Variants in TTN observed in about 807,000 individuals in gnomAD.
TTN encodes connectin.
Under a neutral mutation model 3,223.0 loss-of-function variants are expected in TTN, and 1,525 were observed. The observed-to-expected ratio is 0.47, with a 90% confidence interval of 0.45 to 0.49. TTN has a LOEUF of 0.49. TTN is among the 20% of genes least tolerant of loss of function. The pLI, the probability that TTN is intolerant of heterozygous loss-of-function variation, is 0.00. For synonymous variants in TTN, 14,094 were observed against 15,161.0 expected, an observed-to-expected ratio of 0.93 and a Z score of 5.17; for missense variants, 40,786 against 43,424.0, an observed-to-expected ratio of 0.94 and a Z score of 5.40.
chr2:178,688,360 A>T, intron 126 of TTN, 136 bp from the exon 127 acceptor site: 2 of 786,048 alleles, frequency 2.5e-6, no homozygotes, highest in Non-Finnish European at 4.1e-6. Context: ...TCACTATAAG[A>T]AGGAGGAAGC....
At chr2:178,765,095 G>C (rs543595472) in intron 41 of TTN, among the ~76,000 whole-genome samples, 25 of 152,298 alleles carry the variant, frequency 1.6e-4, no homozygotes, top group African/African-American at 5.1e-4. Flanking sequence ...CCCAGTTTCT[G>C]TTTGTGGTGG....
At chr2:178,606,920 G>T (rs2055024364) in intron 278 of TTN, 101 bp downstream of exon 278, 3 of 1,329,892 alleles carry the variant, frequency 2.3e-6, no homozygotes, top group South Asian at 2.9e-5. Flanking sequence ...TTTAGCTATA[G>T]ATTTTGAGAC....
chr2:178,776,113 A>C lies in TTN; in HGVS notation c.5751T>G (p.Pro1917=). The change falls in exon 28 of 363, where the codon CCT becomes CCG. Residue 1917 remains proline (P), a synonymous_variant. Transcript: ENST00000589042. ...TGEVKVTAEN[P]EGVIEHKVKL... ...TCACTTTATGCTCTATCACACCTTC[A>C]GGATTTTCCGCGGTGACCTTCACTT... 1 of 1,614,114 alleles carries C rather than the reference A, an allele frequency of 6.2e-7. No homozygotes were observed. The highest frequency in any genetic ancestry group is 8.5e-7 in the Non-Finnish European group (1 of 1,179,992).
Position 178,611,456 on chromosome 2 carries a change from C to G in TTN, c.50773G>C (p.Val16925Leu), listed in dbSNP as rs752224973. 1.4e-5 allele frequency: 22 copies of G among 1,612,832 alleles called. No homozygotes were observed. The highest frequency in any genetic ancestry group is 1.9e-5 in the Non-Finnish European group (22 of 1,179,324). The change falls in exon 269 of 363, where the codon GTC (valine) becomes CTC (leucine). Residue 16925 changes from valine to leucine, a missense_variant. By Grantham distance (32) the Val-to-Leu change is conservative. Transcript: ENST00000589042. ...EEGVVPDKEY[V>L]LRVRAVNAIG... The stretch of plus-strand genomic sequence containing the variant: ...GCATTGACTGCTCTCACTCTCAGGA[C>G]ATATTCTTTGTCAGGAACAACACCT...
At chr2:178,643,290 A>C (rs1210702706) in intron 218 of TTN, among the ~76,000 whole-genome samples, 1 of 152,030 alleles carries the variant, frequency 6.6e-6, no homozygotes, top group Non-Finnish European at 1.5e-5. Context: ...TGTGATAAAG[A>C]TAACTGCTTA....
In TTN at chr2:178,587,174, T is replaced by C. The variant is rs2154181993; in HGVS notation, c.64037A>G (p.Tyr21346Cys). 1.2e-6 allele frequency: 2 copies of C among 1,613,304 alleles called. No individual in the cohort carries two copies. The highest frequency in any genetic ancestry group is 2.2e-5 in the South Asian group (2 of 91,064). ...GACATCTGTTGGGACGCCAGGGCCA[T>C]ATTCGTTGACAGCAGTTACTCTGAA... ...YYFRVTAVNE[Y>C]GPGVPTDVPK... Residue 21346 changes from tyrosine to cysteine, a missense_variant, in exon 307 of 363, where the codon TAT becomes TGT. By Grantham distance (194) the Tyr-to-Cys change is radical (BLOSUM62 -2). Transcript: ENST00000589042.
At position 178,561,620 on chromosome 2, in the gene TTN, A is replaced by G. The variant is rs1253820219; in HGVS notation, c.84512T>C (p.Met28171Thr). The G allele has an allele frequency of 1.2e-6, 2 of 1,612,542 alleles. No individual in the cohort carries two copies. Among genetic ancestry groups the G allele is most frequent in the African/African-American group, 1.3e-5 (1 of 74,876 alleles). ...AACTGGCACTTGCCAGGTTACAAGC[A>G]TGGTAGATTTTGTGGCATGCACAAC... ...PKVVHATKST[M>T]LVTWQVPVND... Residue 28171 changes from methionine (M) to threonine (T), a missense_variant, in exon 326 of 363, where the codon ATG (methionine) becomes ACG (threonine). By Grantham distance (81) the Met-to-Thr change is moderately conservative. Transcript: ENST00000589042.
At chr2:178,748,745 T>A in intron 47 of TTN, 1 of 1,612,636 alleles carries the variant, frequency 6.2e-7, no homozygotes, top group South Asian at 1.1e-5. Flanking sequence ...ACTTATTTTT[T>A]CCTGTTGTTC....
Position 178,537,480 on chromosome 2 carries a change from T to A in TTN, c.99727A>T (p.Ile33243Phe). 1 of 1,613,638 alleles carries A rather than the reference T, an allele frequency of 6.2e-7. No individual in the cohort carries two copies. The highest frequency in any genetic ancestry group is 8.5e-7 in the Non-Finnish European group (1 of 1,179,708). Reference sequence around the variant, plus strand: ...TAGTGCTCAGTGTTTTCAATAGTAATGTTTTCTGAGTTTTGCAAAAGTTTC... The same window carrying A: ...TAGTGCTCAGTGTTTTCAATAGTAAAGTTTTCTGAGTTTTGCAAAAGTTTC... ...GQKLLQNSEN[I>F]TIENTEHYTH... Residue 33243 changes from isoleucine (I) to phenylalanine (F), a missense_variant, in exon 355 of 363, where the codon ATT becomes TTT. Ile to Phe is a conservative substitution (Grantham distance 21). Coordinates refer to ENST00000589042, the MANE Select transcript of TTN (RefSeq NM_001267550.2).
rs1690860089 is a variant in TTN, at chr2:178,535,132, C to T, written c.101483G>A (p.Gly33828Asp). The stretch of plus-strand genomic sequence containing the variant: ...ACAACGATGGACAATTCCAAACTCA[C>T]CACGCCCAAGATCTTCAGCAATCAT... ...KYMIAEDLGR[G>D]EFGIVHRCVE... Residue 33828 changes from glycine (G) to aspartate (D), a missense_variant, in exon 358 of 363, where the codon GGT becomes GAT. Transcript: ENST00000589042. 1.2e-6 allele frequency: 2 copies of T among 1,613,704 alleles called. No homozygotes were observed. Among genetic ancestry groups the T allele is most frequent in the African/African-American group, 2.7e-5 (2 of 74,906 alleles).
In TTN at chr2:178,531,608, C is replaced by T; in HGVS notation, c.105007G>A (p.Asp35003Asn). Reference sequence around the variant, plus strand: ...GTTCCACTGTCATCAGTATGACAGTCCAGAATTTCCAGGGTGAGGACTCCA... The same window carrying T: ...GTTCCACTGTCATCAGTATGACAGTTCAGAATTTCCAGGGTGAGGACTCCA... Reference protein sequence around the residue: ...TSGVLTLEILDCHTDDSGTYR... With the variant: ...TSGVLTLEILNCHTDDSGTYR... Residue 35003 changes from aspartate (D) to asparagine (N), a missense_variant, in exon 358 of 363, where the codon GAC becomes AAC. Transcript: ENST00000589042. 6.2e-7 allele frequency: 1 copy of T among 1,613,972 alleles called. No individual in the cohort carries two copies. The highest frequency in any genetic ancestry group is 8.5e-7 in the Non-Finnish European group (1 of 1,179,880).
intron 1 of TTN, among the ~76,000 whole-genome samples, chr2:178,806,157 T>C (rs957741909): frequency 6.6e-6 from 1 of 152,222 alleles, no homozygotes; most frequent in Admixed American, 6.5e-5. Context: ...ACAATAAAAT[T>C]TATATTTGGA....
intron 152 of TTN, 33 bp downstream of exon 152, chr2:178,673,600 G>A: frequency 6.7e-7 from 1 of 1,483,948 alleles, no homozygotes; most frequent in East Asian, 2.5e-5. Context: ...TTAATGGGAA[G>A]TTAAAGATAT....
Position 178,551,629 on chromosome 2 carries a change from C to T in TTN, c.91270+1G>A, listed in dbSNP as rs2154150675. 6.4e-7 allele frequency: 1 copy of T among 1,567,142 alleles called. No homozygotes were observed. The highest frequency in any genetic ancestry group is 8.6e-7 in the Non-Finnish European group (1 of 1,157,794). On this transcript the variant is annotated splice_donor_variant, in intron 335 of 362. Transcript: ENST00000589042. LOFTEE classifies it high-confidence loss of function. ...AATGTATTTGAATAATAATCACTTACCTACTGGAGAAACAGCTAAGGTAAA... is the reference window on the plus strand; with the variant it reads ...AATGTATTTGAATAATAATCACTTATCTACTGGAGAAACAGCTAAGGTAAA...
intron 338 of TTN, 39 bp from the exon 339 acceptor site, chr2:178,549,512 AT>A: frequency 3.1e-6 from 5 of 1,592,514 alleles, no homozygotes; most frequent in Non-Finnish European, 3.4e-6. Flanking sequence ...AATTAGATGC[AT>A]TTGCTTGGAA....
rs1576516161 is a variant in TTN, at chr2:178,618,319, A to G, written c.47139T>C (p.Ser15713=). 6.2e-7 allele frequency: 1 copy of G among 1,612,234 alleles called. No homozygotes were observed. The highest frequency in any genetic ancestry group is 8.5e-7 in the Non-Finnish European group (1 of 1,179,018). The stretch of plus-strand genomic sequence containing the variant: ...GTAGACCAGTGACAGTAAACTCACA[A>G]CTCTCTGCACGGTCTGTGGCCAGAA... ...TWVLATDRAE[S]CEFTVTGLQK... is the part of the protein sequence containing the mutation. The change falls in exon 252 of 363, where the codon AGT becomes AGC. Residue 15713 remains serine, a synonymous_variant. Transcript: ENST00000589042.
intron 47 of TTN, chr2:178,750,814 C>T (rs1303756981): frequency 1.9e-6 from 3 of 1,613,116 alleles, no homozygotes; most frequent in Admixed American, 3.3e-5. Context: ...CATATACTTC[C>T]TCCTTCTCAC....
rs749344686 is a variant in TTN at position 178,663,353 on chromosome 2, T to C, written c.36617-4A>G. On this transcript the variant is annotated splice_polypyrimidine_tract_variant and splice_region_variant and intron_variant, in intron 172 of 362. Coordinates refer to ENST00000589042, the MANE Select transcript of TTN (RefSeq NM_001267550.2). ...GCTGCCTTTGGCACCTCTGGGACTT[T>C]AAAGATATTAGTATTTTCATTATTA... 1.3e-6 allele frequency: 2 copies of C among 1,596,486 alleles called. No homozygotes were observed. Among genetic ancestry groups the C allele is most frequent in the South Asian group, 2.3e-5 (2 of 87,740 alleles).
rs879020900 is a variant in TTN at position 178,804,480 on chromosome 2, C to G, written c.91+72G>C. 7 of 1,475,412 alleles carry G rather than the reference C, an allele frequency of 4.7e-6. No homozygotes were observed. The Admixed American group carries it at 1.2e-4, about 26-fold the overall frequency. 91.4% of individuals were successfully genotyped at this position (1,475,412 alleles called of 1,614,324 possible). On this transcript the variant is annotated intron_variant, in intron 2 of 362. Transcript: ENST00000589042. Reference sequence around the variant, plus strand: ...GCAGGGCTTAAACTTGGCGTCAAGTCCTGCAGCAACGTTAACTTACTGGAG... The same window carrying G: ...GCAGGGCTTAAACTTGGCGTCAAGTGCTGCAGCAACGTTAACTTACTGGAG...
Sources: allele counts gnomAD v4.1 joint callset (sites outside exome capture counted in the v4.1 genomes callset), GRCh38; gene constraint gnomAD v4.1.1; transcripts MANE v1.5; gene names NCBI Gene and HGNC (gene_info 2026-07-23, HGNC 2026-07-21).